The following ALK variants were observed in gnomAD, a reference collection of about 807,000 sequenced individuals.
The protein encoded by ALK is ALK tyrosine kinase receptor.
In ALK, 74 loss-of-function variants were observed where a neutral mutation model predicts 163.1. The ratio of observed to expected loss-of-function variants is 0.45; its 90% CI spans 0.38 to 0.55. The LOEUF (loss-of-function observed/expected upper bound fraction) is 0.55. Ranked by LOEUF, ALK falls within the 20% of genes least tolerant of loss-of-function variation. The pLI is 0.00. For missense variants in ALK, 2,063 were observed against 2,105.3 expected (o/e 0.98, Z 0.39); for synonymous variants, 960 against 843.2 (o/e 1.14, Z -2.40).
At chr2:29,638,395 A>C (rs1294120420) in intron 3 of ALK, among the ~76,000 whole-genome samples, 1 of 152,062 alleles carries the variant, frequency 6.6e-6, no homozygotes, top group Non-Finnish European at 1.5e-5. Context: ...TGTGGATGAA[A>C]GCTCTCCACT....
intron 1 of ALK, among the ~76,000 whole-genome samples, chr2:29,729,278 T>C (rs1033665832): frequency 6.6e-6 from 1 of 152,122 alleles, no homozygotes; most frequent in Non-Finnish European, 1.5e-5. Context: ...AGAGCCTCTC[T>C]CTTTATTTTG....
chr2:29,452,121 T>G (rs1670834079), intron 4 of ALK, among the ~76,000 whole-genome samples: 1 of 152,138 alleles, frequency 6.6e-6, no homozygotes, highest in African/African-American at 2.4e-5. Flanking sequence ...ACGTCCCCAC[T>G]CTCTACCCCA....
chr2:29,212,109 T>G (rs563769306), intron 24 of ALK, among the ~76,000 whole-genome samples: 2 of 151,990 alleles, frequency 1.3e-5, no homozygotes, highest in East Asian at 3.9e-4. Context: ...TGGGCAGAGA[T>G]AAAAAACAAA....
intron 1 of ALK, among the ~76,000 whole-genome samples, chr2:29,908,546 G>A (rs563898914): frequency 7.9e-5 from 12 of 152,202 alleles, no homozygotes; most frequent in Non-Finnish European, 1.5e-4. Context: ...AGTCTCAAAA[G>A]GAAACCATCA....
chr2:29,649,217 T>TGAGAGAGA (rs141534978), intron 3 of ALK, among the ~76,000 whole-genome samples: 7,521 of 147,452 alleles, frequency 0.051, 208 homozygotes, highest in African/African-American at 0.087. Flanking sequence ...TGTGTGTATG[T>TGAGAGAGA]GAGAGAGAGA....
At chr2:29,442,282 T>C (rs1301634824) in intron 4 of ALK, among the ~76,000 whole-genome samples, 1 of 146,132 alleles carries the variant, frequency 6.8e-6, no homozygotes, top group Non-Finnish European at 1.5e-5. Flanking sequence ...TCAACTCTAT[T>C]GTTACTTTCT....
chr2:29,838,211 A>C (rs555247862), intron 1 of ALK, among the ~76,000 whole-genome samples: 1 of 152,294 alleles, frequency 6.6e-6, no homozygotes, highest in Non-Finnish European at 1.5e-5. Context: ...GAGCAGAGCC[A>C]CAGTGATCTA....
intron 4 of ALK, among the ~76,000 whole-genome samples, chr2:29,503,533 A>G (rs758313592): frequency 6.6e-6 from 1 of 152,218 alleles, no homozygotes; most frequent in Non-Finnish European, 1.5e-5. Flanking sequence ...AGAACAATGC[A>G]TGGGCACCGT....
At chr2:29,258,807 C>T (rs190393984) in intron 11 of ALK, among the ~76,000 whole-genome samples, 51 of 152,262 alleles carry the variant, frequency 3.3e-4, no homozygotes, top group Admixed American at 1.2e-3. Flanking sequence ...TGGAATCAAC[C>T]GTTTCCTCAA....
chr2:29,705,352 T>C (rs1378630481), intron 2 of ALK, among the ~76,000 whole-genome samples: 1 of 144,504 alleles, frequency 6.9e-6, no homozygotes, highest in Non-Finnish European at 1.5e-5. Context: ...TGAGATACCA[T>C]ATATTAATAG....
intron 1 of ALK, among the ~76,000 whole-genome samples, chr2:29,856,846 A>C (rs1349020132): frequency 4.6e-5 from 7 of 152,220 alleles, no homozygotes; most frequent in Non-Finnish European, 8.8e-5. Flanking sequence ...GAAGTTCCTG[A>C]GTTAGACAGG....
intron 1 of ALK, among the ~76,000 whole-genome samples, chr2:29,752,848 G>A (rs571262020): frequency 7.2e-5 from 11 of 152,216 alleles, no homozygotes; most frequent in South Asian, 4.2e-4. Context: ...TTCAAGGAGC[G>A]AAAGGACTCA....
At chr2:29,247,375 G>C (rs1409651817) in intron 12 of ALK, among the ~76,000 whole-genome samples, 2 of 152,246 alleles carry the variant, frequency 1.3e-5, no homozygotes, top group African/African-American at 4.8e-5. Flanking sequence ...TGCAGAGCAG[G>C]GGGAGAATGA....
In ALK at chr2:29,227,668, G is replaced by A. The variant is rs765665803; in HGVS notation, c.2820C>T (p.Gly940=). 1 of 1,613,724 alleles carries A rather than the reference G, an allele frequency of 6.2e-7. No individual in the cohort carries two copies. The change falls in exon 17 of 29, where the codon GGC becomes GGT. Residue 940 remains glycine, a synonymous_variant. Coordinates refer to ENST00000389048, the MANE Select transcript of ALK (RefSeq NM_004304.5). This position sits in a 1 kb window ranked among gnomAD's most constrained non-coding sequence, Gnocchi z 4.4. The part of the protein sequence containing the change: ...SGGGGGGYIG[G]NAASNNDPEM... The stretch of plus-strand genomic sequence containing the variant: ...CGGGGTCATTGTTTGAGGCTGCATT[G>A]CCGCCTGAGTAGCAAACCAGAGCAG...
intron 3 of ALK, among the ~76,000 whole-genome samples, chr2:29,578,089 G>T (rs1170290870): frequency 6.6e-6 from 1 of 152,116 alleles, no homozygotes; most frequent in African/African-American, 2.4e-5. Context: ...GTTATGGGAG[G>T]GACCCAGTGG....
chr2:29,866,449 G>C (rs1278931763), intron 1 of ALK, among the ~76,000 whole-genome samples: 2 of 152,204 alleles, frequency 1.3e-5, no homozygotes. Flanking sequence ...GCTCAGCATG[G>C]GGCAAGCACA....
rs188495043 is a variant in ALK at position 29,735,251 on chromosome 2, A to T, written c.668-17554T>A. 5.3e-4 allele frequency among the ~76,000 whole-genome samples: 81 copies of T among 152,196 alleles called. 2 individuals are homozygous for T. The highest frequency in any genetic ancestry group is 8.8e-4 in the Non-Finnish European group (60 of 68,026). On this transcript the variant is annotated intron_variant, in intron 1 of 28. Coordinates refer to ENST00000389048, the MANE Select transcript of ALK (RefSeq NM_004304.5). ...CTGTTTAGAATAACAACAATGCATT[A>T]TACTGTACATAAGGACAGATAACTA...
intron 20 of ALK, among the ~76,000 whole-genome samples, chr2:29,222,853 T>C (rs1669844445): frequency 6.6e-6 from 1 of 152,210 alleles, no homozygotes; most frequent in African/African-American, 2.4e-5. Context: ...TGTTTATTCA[T>C]TCAATCAGTA....
intron 1 of ALK, among the ~76,000 whole-genome samples, chr2:29,771,675 C>T (rs1454757242): frequency 6.6e-6 from 1 of 152,124 alleles, no homozygotes. Flanking sequence ...GCTGGGACTA[C>T]AGGCGCCTGC....
Sources: allele counts gnomAD v4.1 joint callset (sites outside exome capture counted in the v4.1 genomes callset), GRCh38; gene constraint gnomAD v4.1.1; non-coding constraint Gnocchi (gnomAD v3.1); transcripts MANE v1.5; gene names NCBI Gene and HGNC (gene_info 2026-07-23, HGNC 2026-07-21).